Variants in USP54 observed in about 807,000 individuals in gnomAD.
USP54 encodes ubiquitin carboxyl-terminal hydrolase 54.
A neutral mutation model predicts 170.5 loss-of-function variants in USP54; 87 were observed. The observed-to-expected ratio is 0.51, with a 90% CI of 0.43 to 0.61. The LOEUF is 0.61. USP54 is among the 20% of genes least tolerant of loss of function. USP54 has a pLI of 0.00. For missense variants in USP54, 1,786 were observed against 2,047.8 expected, an observed-to-expected ratio of 0.87 and a Z score of 2.47; for synonymous variants, 655 against 742.8, an observed-to-expected ratio of 0.88 and a Z score of 1.92.
Position 73,575,868 on chromosome 10 carries a change from C to A in USP54, c.-88G>T. ...AGATCAAGATGACAGAGCCCTCCCT[C>A]ACTTGTTCCAAACAATCTCCAAAAT... is the stretch of plus-strand genomic sequence containing the variant. On this transcript the variant is annotated 5_prime_UTR_variant, in exon 2 of 24. Coordinates refer to ENST00000687698, the MANE Select transcript of USP54 (RefSeq NM_001391956.1). 2.2e-6 allele frequency: 1 copy of A among 446,892 alleles called. No homozygotes were observed. The highest frequency in any genetic ancestry group is 2.0e-5 in the African/African-American group (1 of 49,898). The allele number at this position is 446,892 out of a possible 1,614,324, so 27.7% of individuals were successfully genotyped here.
At chr10:73,557,433 G>T (rs1044096505) in intron 4 of USP54, among the ~76,000 whole-genome samples, 1 of 151,344 alleles carries the variant, frequency 6.6e-6, no homozygotes, top group Admixed American at 6.6e-5. Flanking sequence ...TGATTCTCCT[G>T]CCTCAGCCTC....
chr10:73,502,666 T>C (rs2058374087), intron 22 of USP54, among the ~76,000 whole-genome samples: 1 of 152,184 alleles, frequency 6.6e-6, no homozygotes, highest in African/African-American at 2.4e-5. Context: ...CCACACATCC[T>C]TGGTTTCCCT....
In USP54 at chr10:73,498,762, T is replaced by G; in HGVS notation, c.4922A>C (p.Asp1641Ala). 1 of 1,613,906 alleles carries G rather than the reference T, an allele frequency of 6.2e-7. No individual in the cohort carries two copies. ...GGAGGCATAACTGCTTTGCCTCCAGTCATCATCTGGGGGCATATCTACTCT... is the reference window on the plus strand; with the variant it reads ...GGAGGCATAACTGCTTTGCCTCCAGGCATCATCTGGGGGCATATCTACTCT... ...PRRVDMPPDD[D>A]WRQSSYASHS... The change falls in exon 24 of 24, where the codon GAC (aspartate) becomes GCC (alanine). Residue 1641 changes from aspartate to alanine, a missense_variant. Around this residue, in one of 3 missense-constraint regions of USP54, gnomAD observed 1,418 missense variants for 1,569.0 expected, o/e 0.90. Transcript: ENST00000687698.
chr10:73,516,365 G>T lies in USP54; in HGVS notation c.4051+10C>A. 6.3e-7 allele frequency: 1 copy of T among 1,589,200 alleles called. No individual in the cohort carries two copies. Among genetic ancestry groups the T allele is most frequent in the Admixed American group, 1.8e-5 (1 of 56,342 alleles). ...TCCCCCCTCCCCCCAACCCCTGGTT[G>T]CATTCTTACCTGTTTGGCTAAGTGG... On this transcript the variant is annotated intron_variant, in intron 20 of 23. Coordinates refer to ENST00000687698, the MANE Select transcript of USP54 (RefSeq NM_001391956.1).
At chr10:73,609,450 G>A (rs190458819) in intron 1 of USP54, among the ~76,000 whole-genome samples, 4 of 152,272 alleles carry the variant, frequency 2.6e-5, no homozygotes, top group Non-Finnish European at 4.4e-5. Context: ...TGTGGCTCTC[G>A]CCTGTAATCC....
At chr10:73,593,629 A>G (rs1219995066), upstream of USP54, among the ~76,000 whole-genome samples, 1 of 152,242 alleles carries the variant, frequency 6.6e-6, no homozygotes, top group Non-Finnish European at 1.5e-5. Context: ...GTAACACCAC[A>G]ATAGGTCCAC....
At chr10:73,594,154 T>TCCA (rs1246114366), upstream of USP54, among the ~76,000 whole-genome samples, 1 of 151,770 alleles carries the variant, frequency 6.6e-6, no homozygotes, top group Non-Finnish European at 1.5e-5. Flanking sequence ...CACTGCAACC[T>TCCA]CCACTTCCCA....
chr10:73,522,987 C>T (rs1445275849), intron 17 of USP54, among the ~76,000 whole-genome samples: 1 of 152,178 alleles, frequency 6.6e-6, no homozygotes, highest in African/African-American at 2.4e-5. Flanking sequence ...GTAGATACTT[C>T]AGCTTGGCTG....
chr10:73,506,531 C>T (rs1333482367), intron 20 of USP54: 2 of 151,972 alleles, frequency 1.3e-5, no homozygotes, highest in African/African-American at 4.8e-5. Flanking sequence ...TGATTTGATT[C>T]TAATATATAT....
chr10:73,568,480 AG>A (rs2074332846), intron 4 of USP54, among the ~76,000 whole-genome samples: 1 of 152,166 alleles, frequency 6.6e-6, no homozygotes. Context: ...TTTCAAATCA[AG>A]TATACAATAA....
intron 23 of USP54, chr10:73,500,054 C>A (rs1351078753): frequency 6.6e-6 from 1 of 152,140 alleles, no homozygotes; most frequent in East Asian, 1.9e-4. Flanking sequence ...TGGTACATCC[C>A]CTTTATCCAT....
In USP54 at chr10:73,516,706, C is replaced by T. The variant is rs769898535; in HGVS notation, c.3720G>A (p.Val1240=). The change falls in exon 20 of 24, where the codon GTG becomes GTA. Residue 1240 remains valine (V), a synonymous_variant. Transcript: ENST00000687698. ...PDIYQEKLSQ[V]RDVRSKDLGS... ...CCAGATCCTTAGACCTAACATCTCTCACTTGGGACAGCTTCTCTTGGTATA... is the reference window on the plus strand; with the variant it reads ...CCAGATCCTTAGACCTAACATCTCTTACTTGGGACAGCTTCTCTTGGTATA... 1 of 1,614,196 alleles carries T rather than the reference C, an allele frequency of 6.2e-7. No homozygotes were observed. The highest frequency in any genetic ancestry group is 8.5e-7 in the Non-Finnish European group (1 of 1,180,046).
intron 4 of USP54, among the ~76,000 whole-genome samples, chr10:73,557,487 A>T (rs1405194807): frequency 1.5e-5 from 2 of 134,090 alleles, no homozygotes. Flanking sequence ...CACCTGGCTA[A>T]TTTTTTTTTT....
rs777484946 is a variant in USP54 at position 73,519,816 on chromosome 10, T to TC, written c.2658dup (p.Thr887AspfsTer8). ...CACTACCTTGTTGGCTGAGAGAGAG[T>TC]CCCCGCCTGTGTTGGGAGGCAGGCT... On this transcript the variant is annotated frameshift_variant, in exon 19 of 24. Transcript: ENST00000687698. LOFTEE classifies it high-confidence loss of function. 6.2e-7 allele frequency: 1 copy of TC among 1,613,774 alleles called. No homozygotes were observed.
At chr10:73,526,360 G>C (rs1254879274) in intron 16 of USP54, among the ~76,000 whole-genome samples, 1 of 152,076 alleles carries the variant, frequency 6.6e-6, no homozygotes, top group African/African-American at 2.4e-5. Flanking sequence ...CAATTCTCCT[G>C]CCTCAGCCTC....
rs1259558957 is a variant in USP54 at position 73,614,972 on chromosome 10, A to G, written c.-18+10595T>C. 2 of 150,270 alleles carry G rather than the reference A, an allele frequency of 1.3e-5. 1 individual carries two copies. Among genetic ancestry groups the G allele is most frequent in the African/African-American group, 5.0e-5 (2 of 39,640 alleles). The allele number at this position is 150,270 out of a possible 1,614,324, so 9.3% of individuals were successfully genotyped here. ...TGCAATATATGTTTAAAATACAGGG[A>G]TACACAGAGAGAGTTCCTATTAGTC... On this transcript the variant is annotated intron_variant, in intron 1 of 22. Coordinates refer to the USP54 transcript ENST00000339859.
At chr10:73,595,789 C>G (rs2078675175), upstream of USP54, among the ~76,000 whole-genome samples, 1 of 152,068 alleles carries the variant, frequency 6.6e-6, no homozygotes, top group Non-Finnish European at 1.5e-5. Flanking sequence ...TCAAGCACAC[C>G]AAAGAATTAC....
At chr10:73,541,274 C>T in intron 9 of USP54, 101 bp downstream of exon 9, 1 of 1,509,594 alleles carries the variant, frequency 6.6e-7, no homozygotes. Context: ...CATTATAATA[C>T]TTGTCATCTA....
intron 5 of USP54, 23 bp from the exon 6 acceptor site, chr10:73,543,154 A>G: frequency 6.6e-7 from 1 of 1,517,744 alleles, no homozygotes; most frequent in Middle Eastern, 1.7e-4. Flanking sequence ...GAACAAAAGC[A>G]GTATACCAAC....
Sources: gnomAD v4.1 joint callset for allele counts (sites outside exome capture counted in the v4.1 genomes callset) on GRCh38, gnomAD v4.1.1 for gene constraint, gnomAD v4.1.1 regional missense constraint, MANE v1.5 for transcripts, NCBI Gene and HGNC (gene_info 2026-07-23, HGNC 2026-07-21) for gene names.